PCDH15: variants seen among roughly 807,000 people sequenced by gnomAD.
PCDH15 encodes the protein protocadherin related 15, also known as protocadherin-15.
PCDH15 carries 129 observed loss-of-function variants against 178.5 expected under a neutral mutation model. That is an observed-to-expected ratio of 0.72 (90% confidence interval 0.63 to 0.84). PCDH15 has a LOEUF of 0.84. Ranked by LOEUF, PCDH15 falls within the 40% of genes least tolerant of loss-of-function variation. PCDH15 has a pLI of 0.00. For synonymous variants in PCDH15, 800 were observed against 732.0 expected (o/e 1.09, Z -1.50); for missense variants, 2,230 against 2,099.9 (o/e 1.06, Z -1.21).
chr10:55,048,128 A>C (rs767491462), intron 2 of PCDH15, among the ~76,000 whole-genome samples: 8 of 151,894 alleles, frequency 5.3e-5, no homozygotes, highest in Non-Finnish European at 8.8e-5. Context: ...AGAAAAAAGG[A>C]GGAGAATCAT....
chr10:54,595,972 G>T (rs116466394), intron 2 of PCDH15, among the ~76,000 whole-genome samples: 1 of 152,016 alleles, frequency 6.6e-6, no homozygotes, highest in Non-Finnish European at 1.5e-5. Flanking sequence ...AATATATAAA[G>T]AGACCAATAT....
chr10:55,412,450 G>A (rs1311883579), intron 2 of PCDH15, among the ~76,000 whole-genome samples: 2 of 151,976 alleles, frequency 1.3e-5, no homozygotes, highest in African/African-American at 4.8e-5. Context: ...CAATAGAGTA[G>A]AGTGGGGAGT....
At chr10:54,968,681 C>T (rs1301379533) in intron 2 of PCDH15, among the ~76,000 whole-genome samples, 3 of 151,952 alleles carry the variant, frequency 2.0e-5, no homozygotes, top group Admixed American at 2.0e-4. Context: ...TAGAGTCTGT[C>T]GAATCTGGAA....
At chr10:53,938,045 T>A (rs556841837) in intron 25 of PCDH15, among the ~76,000 whole-genome samples, 1 of 152,276 alleles carries the variant, frequency 6.6e-6, no homozygotes, top group Admixed American at 6.5e-5. Flanking sequence ...ATTGCTTAAA[T>A]GCAAAAGAGT....
chr10:54,728,661 G>T (rs1942922301), intron 1 of PCDH15, among the ~76,000 whole-genome samples: 2 of 150,916 alleles, frequency 1.3e-5, no homozygotes, highest in Admixed American at 1.3e-4. Context: ...GTAGACAATG[G>T]GATTCTATGC....
chr10:54,169,572 T>C (rs1000160629), intron 13 of PCDH15, among the ~76,000 whole-genome samples: 15 of 148,764 alleles, frequency 1.0e-4, no homozygotes, highest in Non-Finnish European at 1.6e-4. Flanking sequence ...ACTACAGCTA[T>C]ATCTCATTGC....
At chr10:53,825,281 C>A in intron 32 of PCDH15, 1 of 984,962 alleles carries the variant, frequency 1.0e-6, no homozygotes, top group Admixed American at 4.0e-5. Context: ...AAAAAAAAGG[C>A]ATGTTTTTAT....
intron 23 of PCDH15, among the ~76,000 whole-genome samples, chr10:53,955,186 G>T (rs758610175): frequency 5.9e-5 from 9 of 152,142 alleles, no homozygotes; most frequent in Admixed American, 1.3e-4. Context: ...CTCTAGATGT[G>T]GACTTCTGTC....
intron 2 of PCDH15, among the ~76,000 whole-genome samples, chr10:55,618,417 T>C (rs1843521047): frequency 6.6e-6 from 1 of 152,088 alleles, no homozygotes; most frequent in Admixed American, 6.6e-5. Context: ...CAATTTCAAC[T>C]GTACTGTTAC....
At chr10:54,977,227 T>C (rs190457677) in intron 2 of PCDH15, among the ~76,000 whole-genome samples, 2 of 152,252 alleles carry the variant, frequency 1.3e-5, no homozygotes, top group Admixed American at 1.3e-4. Context: ...CTGGGCTGCA[T>C]TCATAGGAGA....
chr10:54,261,001 T>A (rs1051253304), intron 8 of PCDH15, among the ~76,000 whole-genome samples: 38 of 152,330 alleles, frequency 2.5e-4, no homozygotes, highest in Admixed American at 9.2e-4. Context: ...GGTTTGATAA[T>A]CAACCTTCAT....
intron 14 of PCDH15, among the ~76,000 whole-genome samples, chr10:54,149,219 T>G (rs2044274338): frequency 6.6e-6 from 1 of 152,134 alleles, no homozygotes; most frequent in Non-Finnish European, 1.5e-5. Context: ...AGAATTTACC[T>G]TAATCTCAAA....
At chr10:55,073,454 TA>T (rs1275967167) in intron 2 of PCDH15, among the ~76,000 whole-genome samples, 2 of 152,010 alleles carry the variant, frequency 1.3e-5, no homozygotes, top group African/African-American at 4.8e-5. Context: ...TATACACCAA[TA>T]ACAGACAAAC....
At chr10:54,791,704 T>C (rs1048520508) in intron 1 of PCDH15, among the ~76,000 whole-genome samples, 4 of 151,946 alleles carry the variant, frequency 2.6e-5, no homozygotes, top group African/African-American at 7.2e-5. Flanking sequence ...ATATCTCACA[T>C]TTAAGCCATC....
intron 2 of PCDH15, among the ~76,000 whole-genome samples, chr10:55,147,511 C>G (rs1052226100): frequency 6.6e-6 from 1 of 151,394 alleles, no homozygotes; most frequent in African/African-American, 2.4e-5. Flanking sequence ...AATACAAAGT[C>G]CTGTAAAAGT....
rs776802893 is a variant in PCDH15, at chr10:55,599,966, C to T, written c.-156+27659G>A. On this transcript the variant is annotated intron_variant, in intron 2 of 5. Coordinates refer to the PCDH15 transcript ENST00000613346. ...TGAAATTGACCTACCTATGAAGAGG[C>T]GGGTATAAATAAATAGGAGAAGACC... 1.7e-5 allele frequency: 26 copies of T among 1,502,252 alleles called. 1 individual carries two copies. In the African/African-American group the frequency reaches 2.2e-4, roughly 13 times the overall value. The allele number at this position is 1,502,252 out of a possible 1,614,324, so 93.1% of individuals were successfully genotyped here. A position where few individuals can be genotyped will look rare whatever the true frequency, so the allele number is the denominator to read the frequency against.
intron 3 of PCDH15, among the ~76,000 whole-genome samples, chr10:54,417,425 A>T (rs1565218561): frequency 6.6e-6 from 1 of 152,204 alleles, no homozygotes; most frequent in Non-Finnish European, 1.5e-5. Context: ...GTTATTTAAG[A>T]GATTAAAAGA....
chr10:55,353,860 T>A (rs1900493), intron 2 of PCDH15, among the ~76,000 whole-genome samples: 1 of 151,856 alleles, frequency 6.6e-6, no homozygotes, highest in Non-Finnish European at 1.5e-5. Flanking sequence ...AATGTGAAAG[T>A]GAGTGGATAA....
At chr10:53,938,074 A>C (rs143042144) in intron 25 of PCDH15, among the ~76,000 whole-genome samples, 1 of 152,270 alleles carries the variant, frequency 6.6e-6, no homozygotes. Flanking sequence ...AATAGATGGG[A>C]AAAGAATAGC....
Sources: gnomAD v4.1 joint callset for allele counts (sites outside exome capture counted in the v4.1 genomes callset) on GRCh38, gnomAD v4.1.1 for gene constraint, MANE v1.5 for transcripts, NCBI Gene and HGNC (gene_info 2026-07-23, HGNC 2026-07-21) for gene names.